The following UTS2 variants were observed in gnomAD, a reference collection of about 807,000 sequenced individuals.
UTS2 encodes urotensin 2, also known as urotensin-2.
UTS2 carries 10 observed loss-of-function variants against 12.6 expected under a neutral mutation model. That is an observed-to-expected ratio of 0.80 (90% confidence interval 0.49 to 1.35). The LOEUF (loss-of-function observed/expected upper bound fraction) is 1.35, where lower values mean the gene tolerates loss of function less well. Ranked by LOEUF, UTS2 falls within the 40% of genes most tolerant of loss-of-function variation. The pLI is 0.00. For missense variants in UTS2, 142 were observed against 143.2 expected (o/e 0.99, Z 0.04); for synonymous variants, 52 against 50.0 (o/e 1.04, Z -0.17).
chr1:7,848,807 G>A (rs186634), intron 3 of UTS2, among the ~76,000 whole-genome samples: 34,849 of 152,130 alleles, frequency 0.23, 4,640 homozygotes, highest in Non-Finnish European at 0.29. Flanking sequence ...GTGAGCCACC[G>A]CACCCGGCCT....
the UTS2 span, among the ~76,000 whole-genome samples, chr1:7,884,602 C>T: frequency 1.3e-5 from 2 of 152,210 alleles, no homozygotes; most frequent in African/African-American, 2.4e-5. Flanking sequence ...AGCCATCACA[C>T]CCAGCCAACA....
chr1:7,911,856 G>A, the UTS2 span, among the ~76,000 whole-genome samples: 59 of 146,052 alleles, frequency 4.0e-4, 3 homozygotes, highest in African/African-American at 1.4e-3. Flanking sequence ...AGCCAAGATC[G>A]CGCCACTGCA....
At chr1:7,877,600 C>T in the UTS2 span, among the ~76,000 whole-genome samples, 706 of 152,228 alleles carry the variant, frequency 4.6e-3, 7 homozygotes, top group African/African-American at 0.016. Context: ...AAAGACTGGG[C>T]GCAGTGGCTC....
At chr1:7,912,627 T>C in the UTS2 span, among the ~76,000 whole-genome samples, 1 of 152,186 alleles carries the variant, frequency 6.6e-6, no homozygotes, top group Admixed American at 6.5e-5. Context: ...CTAACTTTTT[T>C]ATATTTTTAG....
the UTS2 span, among the ~76,000 whole-genome samples, chr1:7,859,598 C>T: frequency 6.6e-6 from 1 of 152,180 alleles, no homozygotes; most frequent in Non-Finnish European, 1.5e-5. Flanking sequence ...TCAGCCTGAG[C>T]CATGCGCCCA....
the UTS2 span, among the ~76,000 whole-genome samples, chr1:7,861,542 A>G: frequency 1.3e-5 from 2 of 152,232 alleles, no homozygotes; most frequent in Admixed American, 1.3e-4. Context: ...AAGGGCGATC[A>G]CGTAACTGGG....
At chr1:7,871,277 G>A in the UTS2 span, among the ~76,000 whole-genome samples, 3 of 152,184 alleles carry the variant, frequency 2.0e-5, no homozygotes, top group African/African-American at 4.8e-5. Flanking sequence ...AAGGCCAGCC[G>A]TGAGGGCCAG....
the UTS2 span, among the ~76,000 whole-genome samples, chr1:7,901,509 G>C: frequency 6.6e-6 from 1 of 151,826 alleles, no homozygotes; most frequent in Non-Finnish European, 1.5e-5. Context: ...TGTGCTACTT[G>C]CTTTATATGT....
At chr1:7,893,409 G>A in the UTS2 span, among the ~76,000 whole-genome samples, 3 of 152,108 alleles carry the variant, frequency 2.0e-5, no homozygotes, top group East Asian at 1.9e-4. Flanking sequence ...GCTGAGGTGG[G>A]AGGATGACTT....
At chr1:7,909,411 A>G in the UTS2 span, among the ~76,000 whole-genome samples, 1 of 151,704 alleles carries the variant, frequency 6.6e-6, no homozygotes, top group African/African-American at 2.4e-5. Flanking sequence ...CAGGCATGGT[A>G]GTGCACCCCT....
chr1:7,887,705 G>A, the UTS2 span, among the ~76,000 whole-genome samples: 3 of 150,374 alleles, frequency 2.0e-5, no homozygotes, highest in African/African-American at 7.4e-5. Context: ...GGAGGCGGAG[G>A]TTGCGGTGAC....
chr1:7,850,729 G>A, intron 2 of UTS2, 83 bp downstream of exon 2: 2 of 1,375,432 alleles, frequency 1.5e-6, no homozygotes, highest in South Asian at 1.2e-5. Flanking sequence ...CCAAAATAGA[G>A]CTTTACCTCT....
At chr1:7,892,531 G>A in the UTS2 span, among the ~76,000 whole-genome samples, 5 of 136,636 alleles carry the variant, frequency 3.7e-5, no homozygotes, top group Non-Finnish European at 6.1e-5. Flanking sequence ...GCTGGAGAGT[G>A]CAGTGGCGCA....
At chr1:7,900,947 A>ATG in the UTS2 span, among the ~76,000 whole-genome samples, 1 of 152,320 alleles carries the variant, frequency 6.6e-6, no homozygotes, top group East Asian at 1.9e-4. Flanking sequence ...CCACTCCATG[A>ATG]AAGTTTAAGA....
the UTS2 span, among the ~76,000 whole-genome samples, chr1:7,892,193 A>G: frequency 2.0e-5 from 3 of 152,302 alleles, no homozygotes; most frequent in Non-Finnish European, 4.4e-5. Flanking sequence ...GTAAGTTACT[A>G]TACTACAGAC....
At chr1:7,857,261 C>G (rs1338274704), upstream of UTS2, among the ~76,000 whole-genome samples, 1 of 151,982 alleles carries the variant, frequency 6.6e-6, no homozygotes, top group Admixed American at 6.6e-5. Context: ...TGACTTGACT[C>G]CTCCCTCTTC....
At chr1:7,905,870 CTCT>C in the UTS2 span, among the ~76,000 whole-genome samples, 5 of 151,886 alleles carry the variant, frequency 3.3e-5, no homozygotes, top group Non-Finnish European at 7.4e-5. Flanking sequence ...ACATTTAGCT[CTCT>C]TCTTGGACAT....
intron 3 of UTS2, among the ~76,000 whole-genome samples, chr1:7,848,944 T>C (rs535149809): frequency 1.3e-5 from 2 of 152,292 alleles, no homozygotes; most frequent in East Asian, 3.9e-4. Context: ...CAGATTTTGC[T>C]TCCGCAGGTC....
chr1:7,892,115 A>G, the UTS2 span, among the ~76,000 whole-genome samples: 1 of 152,216 alleles, frequency 6.6e-6, no homozygotes, highest in Non-Finnish European at 1.5e-5. Context: ...TGTGCCTGAC[A>G]GCAGCGCTGC....
Sources: gnomAD v4.1 joint callset for allele counts (sites outside exome capture counted in the v4.1 genomes callset) on GRCh38, gnomAD v4.1.1 for gene constraint, MANE v1.5 for transcripts, NCBI Gene and HGNC (gene_info 2026-07-23, HGNC 2026-07-21) for gene names.